ATP13A3: variants seen among roughly 807,000 people sequenced by gnomAD.
ATP13A3 encodes polyamine-transporting ATPase 13A3.
Under a neutral mutation model 158.1 loss-of-function variants are expected in ATP13A3, and 59 were observed. The ratio of observed to expected loss-of-function variants is 0.37; its 90% CI spans 0.30 to 0.46. ATP13A3 has a LOEUF of 0.46. ATP13A3 is among the 20% of genes least tolerant of loss of function. The pLI is 1.00. For synonymous variants in ATP13A3, 491 were observed against 504.3 expected (o/e 0.97, Z 0.35); for missense variants, 1,166 against 1,525.2 (o/e 0.76, Z 3.92).
At chr3:194,417,954 C>CGGAAGGAAGGAAGGAAGGAA (rs1491273681) in intron 31 of ATP13A3, among the ~76,000 whole-genome samples, 44 of 77,948 alleles carry the variant, frequency 5.6e-4, no homozygotes, top group African/African-American at 2.8e-3. Context: ...GACAGACGGA[C>CGGAAGGAAGGAAGGAAGGAA]GGACGGAAGG....
chr3:194,443,589 T>C (rs1718194269), intron 15 of ATP13A3, among the ~76,000 whole-genome samples: 1 of 152,116 alleles, frequency 6.6e-6, no homozygotes, highest in Non-Finnish European at 1.5e-5. Context: ...GCAACATGCA[T>C]TACTAGAGAT....
In ATP13A3 at chr3:194,425,463, A is replaced by G. The variant is rs999897640; in HGVS notation, c.3192T>C (p.Asp1064=). Residue 1064 remains aspartate, a synonymous_variant, in exon 30 of 34, where the codon GAT becomes GAC. Transcript: ENST00000645319. ...TTTCATAATTTTGTATATTATGTTC[A>G]TCAAGTTCGGTTTCATTGTCTACGT... ...SSHVDNETEL[D]EHNIQNYENT... is the part of the protein sequence containing the mutation. 1.5e-5 allele frequency: 25 copies of G among 1,613,596 alleles called. No individual in the cohort carries two copies. Among genetic ancestry groups the G allele is most frequent in the Non-Finnish European group, 2.1e-5 (25 of 1,179,672 alleles).
At position 194,448,166 on chromosome 3, in the gene ATP13A3, C is replaced by T. The variant is rs1226695373; in HGVS notation, c.1151-157G>A. On this transcript the variant is annotated intron_variant, in intron 12 of 33. Coordinates refer to ENST00000645319, the MANE Select transcript of ATP13A3 (RefSeq NM_001367549.1). The surrounding 1 kb of genome is among the most constrained non-coding windows in gnomAD (Gnocchi z 4.0). ...GATCTCGACTCACTGCAAGCTCCGC[C>T]TCCTGGGTTCACGCCATTCTCCTGC... Among the ~76,000 whole-genome samples the T allele has an allele frequency of 2.0e-5, 3 of 151,976 alleles. No homozygotes were observed. Among genetic ancestry groups the T allele is most frequent in the Non-Finnish European group, 4.4e-5 (3 of 67,990 alleles).
chr3:194,405,970 A>G lies in ATP13A3; in HGVS notation c.3720T>C (p.Ala1240=), dbSNP rs1714898216. 1 of 1,614,154 alleles carries G rather than the reference A, an allele frequency of 6.2e-7. No individual in the cohort carries two copies. Among genetic ancestry groups the G allele is most frequent in the East Asian group, 2.2e-5 (1 of 44,888 alleles). Residue 1240 remains alanine (A), a synonymous_variant, in exon 34 of 34, where the codon GCT becomes GCC. Transcript: ENST00000645319. ...ATCCATTCTCCTTAACTAAAGCTTT[A>G]GCTTCTGTGGTTGTCTGAGGTTTTG... The part of the protein sequence containing the change: ...WPPKPQTTTE[A]KALVKENGSC...
upstream of ATP13A3, among the ~76,000 whole-genome samples, chr3:194,491,329 G>T (rs901027116): frequency 2.0e-5 from 3 of 151,952 alleles, no homozygotes; most frequent in Non-Finnish European, 4.4e-5. Flanking sequence ...TAGCAAAGAC[G>T]CTGTCACCCA....
At chr3:194,475,479 A>C (rs1394713577) in intron 2 of ATP13A3, among the ~76,000 whole-genome samples, 1 of 152,202 alleles carries the variant, frequency 6.6e-6, no homozygotes, top group Admixed American at 6.5e-5. Flanking sequence ...AAGTTACATG[A>C]ATTTGGGTTT....
At chr3:194,417,950 CGG>C (rs1560072525) in intron 31 of ATP13A3, among the ~76,000 whole-genome samples, 3 of 84,254 alleles carry the variant, frequency 3.6e-5, no homozygotes, top group African/African-American at 2.7e-4. Flanking sequence ...GACAGACAGA[CGG>C]ACGGACGGAA....
chr3:194,417,956 G>GAAGGAAGGA (rs1255953581), intron 31 of ATP13A3, among the ~76,000 whole-genome samples: 5 of 88,600 alleles, frequency 5.6e-5, no homozygotes, highest in African/African-American at 3.2e-4. Context: ...CAGACGGACG[G>GAAGGAAGGA]ACGGAAGGAA....
chr3:194,440,663 C>G (rs1717987046), intron 16 of ATP13A3, among the ~76,000 whole-genome samples: 1 of 152,058 alleles, frequency 6.6e-6, no homozygotes, highest in Non-Finnish European at 1.5e-5. Context: ...CAATGAAAAC[C>G]AAGAGCATGA....
At chr3:194,410,912 G>A (rs1417628930) in intron 33 of ATP13A3, among the ~76,000 whole-genome samples, 1 of 142,254 alleles carries the variant, frequency 7.0e-6, no homozygotes, top group Non-Finnish European at 1.5e-5. Context: ...CTATATATAT[G>A]GGGGTGGGAG....
At chr3:194,468,677 T>C (rs1306658771) in intron 2 of ATP13A3, among the ~76,000 whole-genome samples, 2 of 152,144 alleles carry the variant, frequency 1.3e-5, no homozygotes, top group Non-Finnish European at 2.9e-5. Flanking sequence ...ATAGTGAGTG[T>C]GGAGAGTGTT....
intron 15 of ATP13A3, among the ~76,000 whole-genome samples, chr3:194,444,310 T>C (rs1206296464): frequency 1.3e-5 from 2 of 152,150 alleles, no homozygotes; most frequent in Admixed American, 1.3e-4. Flanking sequence ...CAAGGTTTAA[T>C]CATTCAATGG....
rs138767725 is a variant in ATP13A3, at chr3:194,459,226, T to C, written c.479+245A>G. ...GAAACAGGTAAGAACTCAGACTCAG[T>C]AGACTTTGGCATCATACTGACTCTA... On this transcript the variant is annotated intron_variant, in intron 6 of 33. Coordinates refer to ENST00000645319, the MANE Select transcript of ATP13A3 (RefSeq NM_001367549.1). 379 of 450,392 alleles carry C rather than the reference T, an allele frequency of 8.4e-4. 3 individuals carry two copies. The highest frequency in any genetic ancestry group is 5.2e-3 in the South Asian group (212 of 40,734). 27.9% of individuals were successfully genotyped at this position (450,392 alleles called of 1,614,324 possible). A position where few individuals can be genotyped will look rare whatever the true frequency, so the allele number is the denominator to read the frequency against.
At chr3:194,410,937 GGTGTGT>G (rs34952393) in intron 33 of ATP13A3, among the ~76,000 whole-genome samples, 15,415 of 126,982 alleles carry the variant, frequency 0.12, 1,400 homozygotes, top group African/African-American at 0.27. Flanking sequence ...GGGGTGTTGG[GGTGTGT>G]GTGTGTGTGT....
At chr3:194,427,044 T>C in intron 29 of ATP13A3, 31 bp downstream of exon 29, 3 of 1,582,424 alleles carry the variant, frequency 1.9e-6, no homozygotes, top group Non-Finnish European at 2.6e-6. Flanking sequence ...ACATATTTTA[T>C]ATAGATTTTT....
chr3:194,408,570 T>G (rs971251640), intron 33 of ATP13A3, among the ~76,000 whole-genome samples: 1 of 152,152 alleles, frequency 6.6e-6, no homozygotes, highest in Non-Finnish European at 1.5e-5. Context: ...TATTTGCAAA[T>G]AGAACAATAA....
chr3:194,451,178 GAAGT>G (rs989894001), intron 10 of ATP13A3: 6 of 152,158 alleles, frequency 3.9e-5, no homozygotes, highest in Admixed American at 2.0e-4. Context: ...TTTAAAAAAG[GAAGT>G]AATTTACTAA....
At chr3:194,407,632 C>CT (rs1715033898) in intron 33 of ATP13A3, among the ~76,000 whole-genome samples, 1 of 152,190 alleles carries the variant, frequency 6.6e-6, no homozygotes, top group Non-Finnish European at 1.5e-5. Flanking sequence ...ACACAATCAG[C>CT]TGCACTGCTA....
intron 8 of ATP13A3, among the ~76,000 whole-genome samples, chr3:194,455,389 G>A (rs1468763211): frequency 6.6e-6 from 1 of 152,034 alleles, no homozygotes; most frequent in Admixed American, 6.5e-5. Flanking sequence ...AAAACCAAAT[G>A]AGATAATTGG....
Sources: allele counts gnomAD v4.1 joint callset (sites outside exome capture counted in the v4.1 genomes callset), GRCh38; gene constraint gnomAD v4.1.1; non-coding constraint Gnocchi (gnomAD v3.1); transcripts MANE v1.5; gene names NCBI Gene and HGNC (gene_info 2026-07-23, HGNC 2026-07-21).